Variants in CCSER1 observed in about 807,000 individuals in gnomAD.
CCSER1 encodes the protein coiled-coil serine rich protein 1.
CCSER1 carries 41 observed loss-of-function variants against 82.0 expected under a neutral mutation model. The ratio of observed to expected loss-of-function variants is 0.50; its 90% CI spans 0.39 to 0.65. The LOEUF is 0.65. Ranked by LOEUF, CCSER1 falls within the 30% of genes least tolerant of loss-of-function variation. The pLI is 0.00. For missense variants in CCSER1, 1,119 were observed against 1,064.2 expected (o/e 1.05, Z -0.72); for synonymous variants, 414 against 383.9 (o/e 1.08, Z -0.92).
rs1256319704 is a variant in CCSER1 at position 90,309,528 on chromosome 4, A to G, written c.1244A>G (p.Asp415Gly). The G allele has an allele frequency of 1.2e-6, 2 of 1,612,982 alleles. No individual in the cohort carries two copies. Among genetic ancestry groups the G allele is most frequent in the Admixed American group, 1.7e-5 (1 of 59,902 alleles). Residue 415 changes from aspartate (D) to glycine (G), a missense_variant, in exon 2 of 11, where the codon GAT becomes GGT. Physicochemically the swap from Asp to Gly is moderately conservative, Grantham distance 94. Transcript: ENST00000509176. ...GTAAAAGGGATCCATCCTATTTCAG[A>G]TTCAAAGATAATACCTACTTCTGGT... Reference protein sequence around the residue: ...EHVKGIHPISDSKIIPTSGDH... With the variant: ...EHVKGIHPISGSKIIPTSGDH...
At chr4:91,454,885 C>T (rs1057238222) in intron 10 of CCSER1, among the ~76,000 whole-genome samples, 1 of 151,812 alleles carries the variant, frequency 6.6e-6, no homozygotes, top group African/African-American at 2.4e-5. Context: ...CTTTTAGCAT[C>T]TCGATTTTGA....
chr4:90,781,475 G>A, intron 7 of CCSER1: 2 of 985,260 alleles, frequency 2.0e-6, no homozygotes, highest in East Asian at 1.1e-4. Context: ...TGGACATAAA[G>A]CCCATGGAAC....
intron 8 of CCSER1, among the ~76,000 whole-genome samples, chr4:90,896,465 C>T (rs988835223): frequency 3.9e-5 from 6 of 151,920 alleles, no homozygotes; most frequent in Admixed American, 2.0e-4. Flanking sequence ...ACTGGCATCA[C>T]GAATATTTTG....
chr4:91,476,745 T>C (rs1305550886), intron 10 of CCSER1, among the ~76,000 whole-genome samples: 2 of 151,182 alleles, frequency 1.3e-5, no homozygotes, highest in African/African-American at 2.4e-5. Flanking sequence ...AATAGAGAAC[T>C]CAGAAATAAA....
intron 9 of CCSER1, among the ~76,000 whole-genome samples, chr4:90,984,112 T>C (rs982446544): frequency 1.3e-5 from 2 of 151,780 alleles, no homozygotes; most frequent in African/African-American, 4.8e-5. Flanking sequence ...TGAATTGAAG[T>C]AAGATGAAAT....
At chr4:90,964,410 T>C (rs1734335737) in intron 9 of CCSER1, among the ~76,000 whole-genome samples, 1 of 151,066 alleles carries the variant, frequency 6.6e-6, no homozygotes, top group Admixed American at 6.6e-5. Flanking sequence ...TAAAGGCATC[T>C]GAAAATCTGC....
intron 8 of CCSER1, among the ~76,000 whole-genome samples, chr4:90,843,479 C>A (rs1374942017): frequency 1.3e-5 from 2 of 152,094 alleles, no homozygotes; most frequent in East Asian, 3.9e-4. Context: ...GCTCTTAATG[C>A]TTTAGAAAAT....
intron 5 of CCSER1, among the ~76,000 whole-genome samples, chr4:90,539,054 C>T (rs1775773276): frequency 6.6e-6 from 1 of 151,934 alleles, no homozygotes; most frequent in African/African-American, 2.4e-5. Flanking sequence ...TAATTTCTAT[C>T]ATAACTTTTT....
intron 10 of CCSER1, among the ~76,000 whole-genome samples, chr4:91,184,427 G>C (rs1734335741): frequency 6.6e-6 from 1 of 152,222 alleles, no homozygotes. Context: ...ATTATAGCAG[G>C]AGAAGGCAAT....
At chr4:90,580,911 A>G (rs1781352379) in intron 5 of CCSER1, among the ~76,000 whole-genome samples, 1 of 152,206 alleles carries the variant, frequency 6.6e-6, no homozygotes, top group East Asian at 1.9e-4. Flanking sequence ...AACAGAATCC[A>G]TGGGGAAATT....
chr4:90,593,845 C>T (rs535183730), intron 5 of CCSER1, among the ~76,000 whole-genome samples: 2 of 152,012 alleles, frequency 1.3e-5, no homozygotes, highest in African/African-American at 2.4e-5. Flanking sequence ...TTTTATTCTA[C>T]AGGACTAAGA....
At chr4:91,274,957 A>T (rs939907594) in intron 10 of CCSER1, among the ~76,000 whole-genome samples, 1 of 151,950 alleles carries the variant, frequency 6.6e-6, no homozygotes, top group African/African-American at 2.4e-5. Context: ...TACAAAAAAA[A>T]TAGCTGGGAG....
intron 7 of CCSER1, among the ~76,000 whole-genome samples, chr4:90,735,859 C>T (rs187203422): frequency 2.0e-5 from 3 of 152,164 alleles, no homozygotes; most frequent in African/African-American, 7.2e-5. Context: ...AAATTTCCCT[C>T]TTAGAAATGC....
intron 3 of CCSER1, among the ~76,000 whole-genome samples, chr4:90,399,711 A>C (rs1752537730): frequency 6.6e-6 from 1 of 152,076 alleles, no homozygotes. Flanking sequence ...TTCTCATATC[A>C]AGAAATCATT....
At chr4:90,915,605 A>G (rs915831650) in intron 8 of CCSER1, among the ~76,000 whole-genome samples, 1 of 152,162 alleles carries the variant, frequency 6.6e-6, no homozygotes, top group Non-Finnish European at 1.5e-5. Flanking sequence ...AAACTGGCAC[A>G]AGACAGGGAT....
chr4:90,558,697 C>A (rs1180900143), intron 5 of CCSER1, among the ~76,000 whole-genome samples: 1 of 151,780 alleles, frequency 6.6e-6, no homozygotes, highest in East Asian at 1.9e-4. Context: ...GTAGTATTAC[C>A]CTTGTATAAC....
chr4:90,768,606 A>G (rs1217569432), intron 7 of CCSER1, among the ~76,000 whole-genome samples: 1 of 152,172 alleles, frequency 6.6e-6, no homozygotes, highest in Non-Finnish European at 1.5e-5. Flanking sequence ...CTATTGTTAC[A>G]TGTCTCATAG....
chr4:90,685,909 CATATCGAA>C (rs1372129751), intron 6 of CCSER1, among the ~76,000 whole-genome samples: 1 of 152,102 alleles, frequency 6.6e-6, no homozygotes, highest in Non-Finnish European at 1.5e-5. Flanking sequence ...CTTTCTTGCC[CATATCGAA>C]ATTCAGGGAA....
chr4:90,774,285 A>G (rs1752612409), intron 7 of CCSER1, among the ~76,000 whole-genome samples: 1 of 152,096 alleles, frequency 6.6e-6, no homozygotes, highest in South Asian at 2.1e-4. Context: ...TACCTCTAAT[A>G]TGAAATATAT....
Sources: allele counts gnomAD v4.1 joint callset (sites outside exome capture counted in the v4.1 genomes callset), GRCh38; gene constraint gnomAD v4.1.1; transcripts MANE v1.5; gene names NCBI Gene and HGNC (gene_info 2026-07-23, HGNC 2026-07-21).